CD200R1L: variants seen among roughly 807,000 people sequenced by gnomAD.
CD200R1L encodes the protein CD200 receptor 1 like.
In CD200R1L, 14 loss-of-function variants were observed where a neutral mutation model predicts 24.8. The observed-to-expected ratio is 0.56, with a 90% CI of 0.37 to 0.88. CD200R1L has a LOEUF of 0.88. Ranked by LOEUF, CD200R1L falls within the 40% of genes least tolerant of loss-of-function variation. The pLI is 0.00. For synonymous variants in CD200R1L, 111 were observed against 109.2 expected (o/e 1.02, Z -0.11); for missense variants, 299 against 297.8 (o/e 1.00, Z -0.03).
At chr3:112,819,700 T>C in intron 7 of CD200R1L, 72 bp downstream of exon 7, 1 of 1,469,190 alleles carries the variant, frequency 6.8e-7, no homozygotes, top group Non-Finnish European at 9.0e-7. Flanking sequence ...CAGTACATTG[T>C]AAACTCAAAA....
chr3:112,834,822 C>T (rs1287161641), intron 3 of CD200R1L, among the ~76,000 whole-genome samples: 1 of 152,204 alleles, frequency 6.6e-6, no homozygotes, highest in Non-Finnish European at 1.5e-5. Flanking sequence ...GAGGAGTGGG[C>T]AGCTCCAAGT....
At chr3:112,819,566 A>G (rs1938481979) in intron 7 of CD200R1L, among the ~76,000 whole-genome samples, 1 of 152,170 alleles carries the variant, frequency 6.6e-6, no homozygotes, top group African/African-American at 2.4e-5. Flanking sequence ...CACTTTCACA[A>G]TGAAGTTCTT....
chr3:112,845,555 A>G (rs913504072), intron 2 of CD200R1L, 124 bp downstream of exon 2: 9 of 756,578 alleles, frequency 1.2e-5, no homozygotes, highest in Non-Finnish European at 1.8e-5. Context: ...GATAATGTAC[A>G]CATTTATCAC....
chr3:112,823,753 G>A (rs1045741516), intron 6 of CD200R1L, among the ~76,000 whole-genome samples: 12 of 152,160 alleles, frequency 7.9e-5, no homozygotes, highest in African/African-American at 2.4e-4. Context: ...ACTTCAACAG[G>A]AACTGATCAA....
intron 3 of CD200R1L, among the ~76,000 whole-genome samples, chr3:112,832,365 T>C (rs1317315597): frequency 6.6e-6 from 1 of 152,200 alleles, no homozygotes. Context: ...AGTTGCTGAA[T>C]ATTTAATTAG....
intron 2 of CD200R1L, among the ~76,000 whole-genome samples, chr3:112,838,316 C>G (rs1939004429): frequency 6.6e-6 from 1 of 152,114 alleles, no homozygotes; most frequent in Admixed American, 6.5e-5. Flanking sequence ...CACTTCTAAT[C>G]AGTGGAAGAG....
rs558466897 is a variant in CD200R1L at position 112,841,538 on chromosome 3, T to G, written c.-86-3528A>C. ...GCAGGTGCAGCAAAACACAGCCATA[T>G]GCAGTCATCGCCAAGGTTTGCCATC... On this transcript the variant is annotated intron_variant, in intron 2 of 7. Transcript: ENST00000488794. 2.0e-5 allele frequency among the ~76,000 whole-genome samples: 3 copies of G among 152,354 alleles called. No individual in the cohort carries two copies. In the East Asian group the frequency reaches 5.8e-4, roughly 29 times the overall value.
chr3:112,833,469 G>A (rs1050358095), intron 3 of CD200R1L, among the ~76,000 whole-genome samples: 3 of 152,086 alleles, frequency 2.0e-5, no homozygotes, highest in African/African-American at 4.8e-5. Flanking sequence ...GGCATGCTAC[G>A]GGACCCTGGT....
intron 3 of CD200R1L, among the ~76,000 whole-genome samples, chr3:112,833,468 C>T (rs1938859298): frequency 1.3e-5 from 2 of 152,152 alleles, no homozygotes; most frequent in Non-Finnish European, 2.9e-5. Context: ...TGGCATGCTA[C>T]GGGACCCTGG....
intron 6 of CD200R1L, among the ~76,000 whole-genome samples, chr3:112,824,679 G>T (rs928704584): frequency 1.3e-5 from 2 of 152,202 alleles, no homozygotes; most frequent in African/African-American, 4.8e-5. Flanking sequence ...CGAGGAAAAC[G>T]CATCAGAAAG....
intron 7 of CD200R1L, among the ~76,000 whole-genome samples, chr3:112,817,624 C>G (rs898842112): frequency 1.3e-5 from 2 of 152,230 alleles, no homozygotes; most frequent in Admixed American, 6.5e-5. Context: ...CTCAGCCCCA[C>G]CAACTGCACT....
At chr3:112,816,085 A>G (rs1938383058) in intron 7 of CD200R1L, 110 bp from the exon 8 acceptor site, 1 of 670,666 alleles carries the variant, frequency 1.5e-6, no homozygotes, top group African/African-American at 1.8e-5. Context: ...AGTACATTCC[A>G]ATAATAAATT....
chr3:112,823,761 CA>C (rs2107333784), intron 6 of CD200R1L, among the ~76,000 whole-genome samples: 1 of 152,224 alleles, frequency 6.6e-6, no homozygotes, highest in Admixed American at 6.5e-5. Context: ...AGGAACTGAT[CA>C]AATGCAATGG....
intron 6 of CD200R1L, among the ~76,000 whole-genome samples, chr3:112,821,509 G>T (rs1938536194): frequency 6.6e-6 from 1 of 152,114 alleles, no homozygotes; most frequent in African/African-American, 2.4e-5. Context: ...TCCTCTAATT[G>T]CTCCTTTTCT....
chr3:112,816,000 A>G (rs778962432), intron 7 of CD200R1L, 25 bp from the exon 8 acceptor site: 18 of 779,680 alleles, frequency 2.3e-5, no homozygotes. Context: ...CAAGATTTGT[A>G]TTTATATCTC....
intron 2 of CD200R1L, among the ~76,000 whole-genome samples, chr3:112,840,110 G>A (rs1939044861): frequency 6.6e-6 from 1 of 152,166 alleles, no homozygotes; most frequent in African/African-American, 2.4e-5. Context: ...AGCTGAATGA[G>A]GCCAAATTAT....
At chr3:112,839,214 C>A (rs73225770) in intron 2 of CD200R1L, among the ~76,000 whole-genome samples, 3 of 152,028 alleles carry the variant, frequency 2.0e-5, no homozygotes, top group Non-Finnish European at 4.4e-5. Flanking sequence ...AGAATTGTTT[C>A]GGGGTTTTCT....
chr3:112,844,380 A>G (rs1029439119), intron 2 of CD200R1L, among the ~76,000 whole-genome samples: 1 of 152,222 alleles, frequency 6.6e-6, no homozygotes. Flanking sequence ...AATAGAAATC[A>G]ATATCAAGCA....
rs201932878 is a variant in CD200R1L at position 112,838,468 on chromosome 3, CA to C, written c.-86-459del. 4.7e-5 allele frequency among the ~76,000 whole-genome samples: 5 copies of C among 107,022 alleles called. No homozygotes were observed. The Admixed American group carries it at 5.2e-4, about 11-fold the overall frequency. The allele number at this position is 107,022 out of a possible 152,430, so 70.2% of individuals were successfully genotyped here. A position where few individuals can be genotyped will look rare whatever the true frequency, so the allele number is the denominator to read the frequency against. On this transcript the variant is annotated intron_variant, in intron 2 of 7. Coordinates refer to ENST00000488794, the MANE Select transcript of CD200R1L (RefSeq NM_001199215.3). Reference sequence around the variant, plus strand: ...TGTTTCAAATGCATGGCTGAATTTGCAAAAAAAACAAACAAACAAACAAAAA... The same window carrying C: ...TGTTTCAAATGCATGGCTGAATTTGCAAAAAAACAAACAAACAAACAAAAA...
Sources: allele counts gnomAD v4.1 joint callset (sites outside exome capture counted in the v4.1 genomes callset), GRCh38; gene constraint gnomAD v4.1.1; transcripts MANE v1.5; gene names NCBI Gene and HGNC (gene_info 2026-07-23, HGNC 2026-07-21).